Variants in CNTN5 observed in about 807,000 individuals in gnomAD.
CNTN5 encodes the protein contactin 5.
A neutral mutation model predicts 129.1 loss-of-function variants in CNTN5; 77 were observed. The ratio of observed to expected loss-of-function variants is 0.60; its 90% confidence interval spans 0.50 to 0.72. CNTN5 has a LOEUF of 0.72. Ranked by LOEUF, CNTN5 falls within the 30% of genes least tolerant of loss-of-function variation. CNTN5 has a pLI of 0.00. For synonymous variants in CNTN5, 509 were observed against 465.6 expected (o/e 1.09, Z -1.20); for missense variants, 1,478 against 1,328.8 (o/e 1.11, Z -1.75).
chr11:99,961,371 T>G (rs576004851), intron 8 of CNTN5, among the ~76,000 whole-genome samples: 1 of 152,062 alleles, frequency 6.6e-6, no homozygotes. Context: ...ATATTATTAA[T>G]GAGAATGCTG....
intron 3 of CNTN5, among the ~76,000 whole-genome samples, chr11:99,723,834 T>A (rs764371180): frequency 2.6e-5 from 4 of 152,118 alleles, no homozygotes; most frequent in Admixed American, 6.6e-5. Context: ...ATAGATCTTA[T>A]AATCTTCCTT....
intron 9 of CNTN5, among the ~76,000 whole-genome samples, chr11:100,015,431 A>G (rs897204564): frequency 6.6e-6 from 1 of 152,172 alleles, no homozygotes; most frequent in Non-Finnish European, 1.5e-5. Flanking sequence ...TGGCCCATTC[A>G]TGTAAGAAAT....
intron 13 of CNTN5, among the ~76,000 whole-genome samples, chr11:100,135,996 T>A (rs946633654): frequency 6.6e-6 from 1 of 152,156 alleles, no homozygotes; most frequent in African/African-American, 2.4e-5. Flanking sequence ...GTCACCATTA[T>A]CTGGAAGTTC....
intron 21 of CNTN5, among the ~76,000 whole-genome samples, chr11:100,323,273 G>T (rs972879018): frequency 6.6e-6 from 1 of 152,154 alleles, no homozygotes; most frequent in Non-Finnish European, 1.5e-5. Context: ...TCAGATTGTG[G>T]CTCTTATCCT....
At chr11:99,507,474 T>A (rs1946671289) in intron 2 of CNTN5, among the ~76,000 whole-genome samples, 1 of 152,116 alleles carries the variant, frequency 6.6e-6, no homozygotes, top group African/African-American at 2.4e-5. Flanking sequence ...TGTTTTAATT[T>A]AATTTTAAAA....
At chr11:99,637,371 C>T (rs981991974) in intron 3 of CNTN5, among the ~76,000 whole-genome samples, 8 of 151,918 alleles carry the variant, frequency 5.3e-5, no homozygotes, top group South Asian at 2.1e-4. Flanking sequence ...AAAAAATTAG[C>T]GTTGTATATA....
At chr11:99,975,333 G>T (rs1004254821) in intron 8 of CNTN5, among the ~76,000 whole-genome samples, 1 of 152,174 alleles carries the variant, frequency 6.6e-6, no homozygotes, top group Admixed American at 6.5e-5. Context: ...CTTGCATGAG[G>T]CCTGTAGCCC....
At chr11:100,106,328 A>C (rs1405632706) in intron 13 of CNTN5, among the ~76,000 whole-genome samples, 3 of 152,216 alleles carry the variant, frequency 2.0e-5, no homozygotes, top group Non-Finnish European at 4.4e-5. Flanking sequence ...TATGATATCT[A>C]GCTGGATATC....
At chr11:100,342,996 G>C (rs947396256) in intron 23 of CNTN5, among the ~76,000 whole-genome samples, 3 of 152,090 alleles carry the variant, frequency 2.0e-5, no homozygotes, top group African/African-American at 4.8e-5. Context: ...ATTTTCTAAA[G>C]AATAATTTGT....
intron 9 of CNTN5, among the ~76,000 whole-genome samples, chr11:100,021,407 G>C (rs1417943445): frequency 2.6e-5 from 4 of 152,126 alleles, no homozygotes; most frequent in South Asian, 2.1e-4. Flanking sequence ...ATACAGAAAA[G>C]AGTTGAAATT....
intron 3 of CNTN5, among the ~76,000 whole-genome samples, chr11:99,662,121 TCTA>T (rs2135919411): frequency 6.6e-6 from 1 of 152,290 alleles, no homozygotes; most frequent in African/African-American, 2.4e-5. Context: ...TTAATAATTT[TCTA>T]CTAACGGGGT....
At chr11:99,292,335 T>G (rs1591479346) in intron 1 of CNTN5, among the ~76,000 whole-genome samples, 1 of 151,340 alleles carries the variant, frequency 6.6e-6, no homozygotes, top group Non-Finnish European at 1.5e-5. Context: ...ATATGGTAGG[T>G]CAAAGTAATA....
At chr11:100,254,506 C>T (rs1454011322) in intron 16 of CNTN5, among the ~76,000 whole-genome samples, 4 of 152,174 alleles carry the variant, frequency 2.6e-5, no homozygotes, top group Non-Finnish European at 5.9e-5. Context: ...TTTCGGTCAC[C>T]TTCCTGATAG....
chr11:99,952,168 C>A (rs1359197550), intron 7 of CNTN5, among the ~76,000 whole-genome samples: 1 of 152,104 alleles, frequency 6.6e-6, no homozygotes, highest in Admixed American at 6.5e-5. Context: ...ATTAAGCGGA[C>A]AATTCTCTAC....
intron 9 of CNTN5, among the ~76,000 whole-genome samples, chr11:100,003,254 T>C (rs1939989866): frequency 2.0e-5 from 3 of 152,092 alleles, no homozygotes; most frequent in Non-Finnish European, 4.4e-5. Flanking sequence ...GAAGTAGAAA[T>C]AAATTTCAAA....
chr11:99,229,528 C>CAAA (rs72050463), intron 1 of CNTN5, among the ~76,000 whole-genome samples: 4 of 114,216 alleles, frequency 3.5e-5, no homozygotes, highest in African/African-American at 3.4e-5. Context: ...CAATTTTAGA[C>CAAA]AAAAAAAAAA....
chr11:99,059,552 A>G (rs796886566), intron 1 of CNTN5, among the ~76,000 whole-genome samples: 7 of 151,990 alleles, frequency 4.6e-5, no homozygotes, highest in African/African-American at 1.7e-4. Context: ...ACATTTGTAG[A>G]GCCCTTTCAT....
intron 2 of CNTN5, among the ~76,000 whole-genome samples, chr11:99,519,113 CT>C (rs1434645538): frequency 1.3e-5 from 2 of 152,018 alleles, no homozygotes; most frequent in Non-Finnish European, 2.9e-5. Context: ...TAGGCTCTGC[CT>C]AATCAAACTC....
intron 1 of CNTN5, among the ~76,000 whole-genome samples, chr11:99,316,947 G>A (rs576643174): frequency 3.5e-4 from 54 of 152,198 alleles, no homozygotes; most frequent in African/African-American, 1.3e-3. Flanking sequence ...TTTGTACCTC[G>A]ACACCAGAAG....
Sources: allele counts gnomAD v4.1 joint callset (sites outside exome capture counted in the v4.1 genomes callset), GRCh38; gene constraint gnomAD v4.1.1; transcripts MANE v1.5; gene names NCBI Gene and HGNC (gene_info 2026-07-23, HGNC 2026-07-21).